PHACTR1: variants seen among roughly 807,000 people sequenced by gnomAD.
PHACTR1 encodes RPEL repeat containing 1.
In PHACTR1, 16 loss-of-function variants were observed where a neutral mutation model predicts 69.2. The ratio of observed to expected loss-of-function variants is 0.23; its 90% CI spans 0.16 to 0.35. The LOEUF (loss-of-function observed/expected upper bound fraction) is 0.35. PHACTR1 is among the 10% of genes least tolerant of loss of function. PHACTR1 has a pLI of 1.00. For missense variants in PHACTR1, 510 were observed against 734.7 expected (o/e 0.69, Z 3.54); for synonymous variants, 312 against 284.5 (o/e 1.10, Z -0.97).
At chr6:12,810,466 T>A (rs148562633) in intron 4 of PHACTR1, among the ~76,000 whole-genome samples, 9 of 152,212 alleles carry the variant, frequency 5.9e-5, no homozygotes, top group South Asian at 2.1e-4. Context: ...TCTTCAGGTT[T>A]CCAGATGCAG....
chr6:13,174,588 C>G (rs1270023804), intron 6 of PHACTR1, among the ~76,000 whole-genome samples: 1 of 152,196 alleles, frequency 6.6e-6, no homozygotes, highest in Non-Finnish European at 1.5e-5. Flanking sequence ...CAAGAACTAA[C>G]AGTTAAGAGA....
At chr6:12,834,068 A>G (rs898606736) in intron 4 of PHACTR1, among the ~76,000 whole-genome samples, 2 of 152,164 alleles carry the variant, frequency 1.3e-5, no homozygotes, top group Admixed American at 1.3e-4. Context: ...TCAACCAGCT[A>G]TAGTTCTGCA....
intron 4 of PHACTR1, among the ~76,000 whole-genome samples, chr6:12,990,520 G>A (rs1248586141): frequency 1.2e-4 from 18 of 152,238 alleles, no homozygotes; most frequent in Non-Finnish European, 7.3e-5. Flanking sequence ...TGCCAGGGCC[G>A]GGCCAAGCGC....
intron 4 of PHACTR1, among the ~76,000 whole-genome samples, chr6:12,956,835 C>T (rs1282067131): frequency 1.3e-5 from 2 of 152,256 alleles, no homozygotes; most frequent in East Asian, 3.9e-4. Flanking sequence ...ATCCATTCAG[C>T]GCCTTATCCC....
chr6:13,222,034 CA>C (rs57083921), intron 8 of PHACTR1, among the ~76,000 whole-genome samples: 1,701 of 128,808 alleles, frequency 0.013, 20 homozygotes, highest in African/African-American at 0.035. Context: ...GACTCCATCT[CA>C]AAAAAAAAAA....
At position 13,179,731 on chromosome 6, in the gene PHACTR1, GATA is replaced by G; in HGVS notation, c.497-2787_497-2785del. Among the ~76,000 whole-genome samples the G allele has an allele frequency of 6.7e-6, 1 of 149,108 alleles. No individual in the cohort carries two copies. Among genetic ancestry groups the G allele is most frequent in the South Asian group, 2.1e-4 (1 of 4,780 alleles). On this transcript the variant is annotated intron_variant, in intron 6 of 14. Transcript: ENST00000332995. This position sits in a 1 kb window ranked among gnomAD's most constrained non-coding sequence, Gnocchi z 4.2. ...AGATAGATAGATAGATAGATAGATA[GATA>G]GATAGATAGATAGACAGAACAAGGT...
chr6:12,737,524 T>C (rs1198768374), intron 3 of PHACTR1, among the ~76,000 whole-genome samples: 1 of 152,092 alleles, frequency 6.6e-6, no homozygotes, highest in Non-Finnish European at 1.5e-5. Flanking sequence ...TATATATATA[T>C]ATACATCTGA....
chr6:12,823,190 C>A (rs912673420), intron 4 of PHACTR1, among the ~76,000 whole-genome samples: 2 of 152,204 alleles, frequency 1.3e-5, no homozygotes, highest in East Asian at 3.8e-4. Context: ...TAGATTTCTA[C>A]ATCTGCAAAA....
At chr6:12,852,293 T>C (rs1044526875) in intron 4 of PHACTR1, among the ~76,000 whole-genome samples, 22 of 151,964 alleles carry the variant, frequency 1.4e-4, no homozygotes, top group Admixed American at 1.2e-3. Context: ...TTCCTCCCTA[T>C]CCTATAAAAA....
intron 4 of PHACTR1, among the ~76,000 whole-genome samples, chr6:12,771,305 C>G (rs1405073843): frequency 6.6e-6 from 1 of 152,118 alleles, no homozygotes; most frequent in Non-Finnish European, 1.5e-5. Flanking sequence ...GGGTAGATGA[C>G]CTCTAAGTTT....
intron 4 of PHACTR1, among the ~76,000 whole-genome samples, chr6:12,821,458 A>G (rs1441020162): frequency 2.4e-5 from 2 of 82,940 alleles, no homozygotes; most frequent in African/African-American, 1.0e-4. Flanking sequence ...GTGAGATTTC[A>G]CATCAAAAAA....
intron 4 of PHACTR1, among the ~76,000 whole-genome samples, chr6:12,993,152 G>T (rs1455461853): frequency 6.6e-6 from 1 of 152,070 alleles, no homozygotes; most frequent in East Asian, 1.9e-4. Context: ...GCCGTTTTTT[G>T]TTAGAAAAGA....
chr6:13,006,008 G>A (rs563464428), intron 4 of PHACTR1, among the ~76,000 whole-genome samples: 2 of 152,298 alleles, frequency 1.3e-5, no homozygotes, highest in African/African-American at 4.8e-5. Context: ...CTGTCCTAAA[G>A]GCCAATTATC....
intron 4 of PHACTR1, among the ~76,000 whole-genome samples, chr6:12,985,451 A>C (rs1310139793): frequency 1.3e-5 from 2 of 151,540 alleles, no homozygotes; most frequent in African/African-American, 4.8e-5. Context: ...ATTCTTTTGT[A>C]CTTTAATGTA....
chr6:13,186,689 G>C (rs1379293588), intron 7 of PHACTR1, among the ~76,000 whole-genome samples: 6 of 152,130 alleles, frequency 3.9e-5, no homozygotes, highest in Non-Finnish European at 8.8e-5. Flanking sequence ...AAGTAGATAG[G>C]AATATGTAAC....
At chr6:12,882,771 C>T (rs1468491454) in intron 4 of PHACTR1, among the ~76,000 whole-genome samples, 1 of 152,176 alleles carries the variant, frequency 6.6e-6, no homozygotes, top group Admixed American at 6.5e-5. Context: ...GCTTCTTACC[C>T]TCCTTGTGAG....
At chr6:12,954,881 G>A (rs1791693592) in intron 4 of PHACTR1, among the ~76,000 whole-genome samples, 1 of 152,110 alleles carries the variant, frequency 6.6e-6, no homozygotes, top group Non-Finnish European at 1.5e-5. Context: ...ACCTCAAAAT[G>A]GCCATATATA....
intron 4 of PHACTR1, among the ~76,000 whole-genome samples, chr6:12,784,553 A>G (rs12524974): frequency 0.37 from 56,283 of 151,574 alleles, 11,245 homozygotes; most frequent in African/African-American, 0.5. Flanking sequence ...ACACACATAT[A>G]TATCTATACA....
chr6:13,033,728 A>G (rs1406057261), intron 4 of PHACTR1, among the ~76,000 whole-genome samples: 2 of 152,248 alleles, frequency 1.3e-5, no homozygotes, highest in Non-Finnish European at 2.9e-5. Context: ...CAACTTTTAT[A>G]GTATGAACTA....
Sources: allele counts gnomAD v4.1 joint callset (sites outside exome capture counted in the v4.1 genomes callset), GRCh38; gene constraint gnomAD v4.1.1; non-coding constraint Gnocchi (gnomAD v3.1); transcripts MANE v1.5; gene names NCBI Gene and HGNC (gene_info 2026-07-23, HGNC 2026-07-21).